The following PCDH7 variants were observed in gnomAD, a reference collection of about 807,000 sequenced individuals.
PCDH7 encodes the protein protocadherin-7.
Under a neutral mutation model 58.9 loss-of-function variants are expected in PCDH7, and 17 were observed. The ratio of observed to expected loss-of-function variants is 0.29; its 90% confidence interval spans 0.20 to 0.43. The LOEUF (loss-of-function observed/expected upper bound fraction) is 0.43, where lower values mean the gene tolerates loss of function less well. Among genes scored for constraint, PCDH7 ranks in the 20% least tolerant of loss-of-function variants. The pLI is 1.00. For synonymous variants in PCDH7, 664 were observed against 616.4 expected, an observed-to-expected ratio of 1.08 and a Z score of -1.14; for missense variants, 1,274 against 1,441.0, an observed-to-expected ratio of 0.88 and a Z score of 1.88.
intron 3 of PCDH7, among the ~76,000 whole-genome samples, chr4:31,133,029 T>A (rs1476470410): frequency 6.6e-6 from 1 of 152,242 alleles, no homozygotes; most frequent in Admixed American, 6.5e-5. Context: ...TTCTTCTAAA[T>A]ATGAGTTTTA....
intron 3 of PCDH7, among the ~76,000 whole-genome samples, chr4:31,085,008 C>G (rs1712198557): frequency 6.6e-6 from 1 of 152,084 alleles, no homozygotes; most frequent in Admixed American, 6.5e-5. Flanking sequence ...TTCATCAAGA[C>G]AGGAGAATTC....
intron 1 of PCDH7, among the ~76,000 whole-genome samples, chr4:30,886,825 G>A (rs1737864875): frequency 6.7e-6 from 1 of 150,262 alleles, no homozygotes; most frequent in South Asian, 2.1e-4. Context: ...CCTTTGCAGG[G>A]ACATGGATGA....
intron 3 of PCDH7, among the ~76,000 whole-genome samples, chr4:31,043,996 G>A (rs1177759690): frequency 6.6e-6 from 1 of 152,132 alleles, no homozygotes; most frequent in East Asian, 1.9e-4. Flanking sequence ...TTTCTCTAAG[G>A]ATATCTAATG....
At chr4:31,054,785 T>C (rs1757016734) in intron 3 of PCDH7, among the ~76,000 whole-genome samples, 2 of 152,140 alleles carry the variant, frequency 1.3e-5, no homozygotes, top group South Asian at 4.1e-4. Flanking sequence ...CCTCAGTTCT[T>C]TTTTGTTGGT....
intron 3 of PCDH7, among the ~76,000 whole-genome samples, chr4:31,135,817 G>A (rs538324614): frequency 1.1e-4 from 17 of 152,204 alleles, no homozygotes; most frequent in Admixed American, 2.6e-4. Context: ...TATCAGGTTC[G>A]TTGTAAACTT....
chr4:30,828,841 TTTG>T (rs559052635), intron 1 of PCDH7, among the ~76,000 whole-genome samples: 25 of 152,138 alleles, frequency 1.6e-4, no homozygotes, highest in African/African-American at 6.0e-4. Context: ...AGGTTTTTTT[TTTG>T]TTGTTGTTGT....
At chr4:31,141,490 A>G (rs1202725268) in intron 3 of PCDH7, among the ~76,000 whole-genome samples, 1 of 152,142 alleles carries the variant, frequency 6.6e-6, no homozygotes, top group Non-Finnish European at 1.5e-5. Context: ...CTCTTTCTCA[A>G]ACAAAGTCTG....
At chr4:31,110,788 AC>A (rs1157290175) in intron 3 of PCDH7, among the ~76,000 whole-genome samples, 1 of 151,864 alleles carries the variant, frequency 6.6e-6, no homozygotes, top group Non-Finnish European at 1.5e-5. Flanking sequence ...GGTGGCAGGC[AC>A]CTGTAGTCCC....
chr4:30,797,427 C>T (rs933314394), intron 1 of PCDH7, among the ~76,000 whole-genome samples: 8 of 152,070 alleles, frequency 5.3e-5, no homozygotes, highest in African/African-American at 1.9e-4. Context: ...CGCCCGCCAC[C>T]ACGCCCGGCT....
At chr4:30,872,308 G>A (rs1578120893) in intron 1 of PCDH7, among the ~76,000 whole-genome samples, 1 of 152,096 alleles carries the variant, frequency 6.6e-6, no homozygotes, top group Non-Finnish European at 1.5e-5. Context: ...GATCCAGAGA[G>A]ATACTTTTGG....
intron 3 of PCDH7, among the ~76,000 whole-genome samples, chr4:30,955,844 C>T (rs1348892154): frequency 1.3e-5 from 2 of 151,910 alleles, no homozygotes; most frequent in African/African-American, 2.4e-5. Context: ...CCACCGTGCT[C>T]GGCCAAGGCC....
At chr4:30,732,172 C>T (rs1715599291) in exon 2 of PCDH7, 1 of 152,108 alleles carries the variant, frequency 6.6e-6, no homozygotes, top group Admixed American at 6.6e-5. Flanking sequence ...TTTTCAGAAA[C>T]ATCACTGCAA....
At chr4:30,777,412 T>A (rs1330391886) in intron 1 of PCDH7, among the ~76,000 whole-genome samples, 1 of 152,200 alleles carries the variant, frequency 6.6e-6, no homozygotes, top group Non-Finnish European at 1.5e-5. Context: ...ATTATGCTTC[T>A]TTCAAGGTAG....
At chr4:30,972,132 A>AT (rs796970786) in intron 3 of PCDH7, among the ~76,000 whole-genome samples, 1 of 152,112 alleles carries the variant, frequency 6.6e-6, no homozygotes, top group Non-Finnish European at 1.5e-5. Flanking sequence ...ATGAAAAGGA[A>AT]TTTTTTTATA....
intron 3 of PCDH7, among the ~76,000 whole-genome samples, chr4:31,072,115 C>A (rs187739339): frequency 6.6e-6 from 1 of 152,118 alleles, no homozygotes; most frequent in Admixed American, 6.6e-5. Flanking sequence ...AAAAATAGAA[C>A]TGATTGAAAC....
chr4:31,059,244 A>G lies in PCDH7; in HGVS notation c.*8-83229A>G, dbSNP rs60512571. On this transcript the variant is annotated intron_variant, in intron 3 of 3. Coordinates refer to the PCDH7 transcript ENST00000509759. ...AAGCAAATCTTTATTCTGAGGAGAA[A>G]TGTTCTATGAATGCTTGATGACAGC... is the stretch of plus-strand genomic sequence containing the variant. 2.0e-3 allele frequency among the ~76,000 whole-genome samples: 308 copies of G among 152,062 alleles called. 2 individuals are homozygous for G. The highest frequency in any genetic ancestry group is 6.9e-3 in the African/African-American group (285 of 41,538).
At chr4:30,949,747 T>G (rs1486571276) in intron 2 of PCDH7, among the ~76,000 whole-genome samples, 2 of 152,084 alleles carry the variant, frequency 1.3e-5, no homozygotes, top group African/African-American at 4.8e-5. Context: ...CTACTGTATG[T>G]TAGAAAGAAA....
chr4:30,729,873 T>C (rs1715229945), intron 1 of PCDH7, among the ~76,000 whole-genome samples: 1 of 152,002 alleles, frequency 6.6e-6, no homozygotes, highest in Non-Finnish European at 1.5e-5. Flanking sequence ...GATTGCTTCC[T>C]TGTTAGGCAG....
chr4:31,067,981 T>C (rs2036245), intron 3 of PCDH7, among the ~76,000 whole-genome samples: 101,077 of 151,854 alleles, frequency 0.67, 35,706 homozygotes, highest in African/African-American at 0.91. Context: ...TTTAAGGATC[T>C]AATTGTGCAC....
Sources: allele counts gnomAD v4.1 joint callset (sites outside exome capture counted in the v4.1 genomes callset), GRCh38; gene constraint gnomAD v4.1.1; transcripts MANE v1.5; gene names NCBI Gene and HGNC (gene_info 2026-07-23, HGNC 2026-07-21).